Variants in SHANK2 observed in about 807,000 individuals in gnomAD.
SHANK2 encodes SH3 and multiple ankyrin repeat domains protein 2.
Under a neutral mutation model 133.7 loss-of-function variants are expected in SHANK2, and 43 were observed. That is an observed-to-expected ratio of 0.32 (90% CI 0.25 to 0.41). The LOEUF (loss-of-function observed/expected upper bound fraction) is 0.41. Ranked by LOEUF, SHANK2 falls within the 10% of genes least tolerant of loss-of-function variation. The pLI is 1.00. For missense variants in SHANK2, 1,994 were observed against 2,235.8 expected (o/e 0.89, Z 2.18); for synonymous variants, 1,017 against 952.8 (o/e 1.07, Z -1.24).
Position 70,791,891 on chromosome 11 carries a change from T to G in SHANK2, c.1777+6552A>C, listed in dbSNP as rs1051654678. ...AGGTGATGATTCCTGCCCTACTTAT[T>G]CCAGAAGGTTGGATGAGACAGCATG... On this transcript the variant is annotated intron_variant, in intron 14 of 25. Transcript: ENST00000601538. Among the ~76,000 whole-genome samples, 3 of 152,264 alleles carry G rather than the reference T, an allele frequency of 2.0e-5. No homozygotes were observed. In the South Asian group the frequency reaches 6.2e-4, roughly 32 times the overall value.
rs1481640919 is a variant in SHANK2, at chr11:71,187,540, C to T, written c.-13+37157G>A. Among the ~76,000 whole-genome samples the T allele has an allele frequency of 2.0e-5, 3 of 152,024 alleles. No homozygotes were observed. The South Asian group carries it at 6.2e-4, about 32-fold the overall frequency. ...TTTATTCAGGACAGTTCATGGGTTT[C>T]TCATGTTTTATTCAGCACAGTTCAT... On this transcript the variant is annotated intron_variant, in intron 2 of 25. Coordinates refer to ENST00000601538, the MANE Select transcript of SHANK2 (RefSeq NM_012309.5).
chr11:70,942,444 T>A (rs960389447), intron 10 of SHANK2: 14 of 420,598 alleles, frequency 3.3e-5, no homozygotes, highest in Admixed American at 3.1e-4. Context: ...GAAATCTCAC[T>A]CACTACTAGA....
At chr11:71,228,072 C>T (rs1742494930) in intron 1 of SHANK2, among the ~76,000 whole-genome samples, 1 of 151,868 alleles carries the variant, frequency 6.6e-6, no homozygotes, top group Admixed American at 6.6e-5. Flanking sequence ...AAATAGGAGA[C>T]ACCATTAAAG....
chr11:71,147,404 C>A, intron 2 of SHANK2, 66 bp from the exon 3 acceptor site: 1 of 1,343,528 alleles, frequency 7.4e-7, no homozygotes, highest in Non-Finnish European at 1.0e-6. Context: ...CCCAGGGGCA[C>A]GGTGGACACT....
intron 11 of SHANK2, among the ~76,000 whole-genome samples, chr11:70,849,748 A>G (rs1387299815): frequency 6.6e-6 from 1 of 152,226 alleles, no homozygotes; most frequent in Non-Finnish European, 1.5e-5. Context: ...ATCTGTTAAT[A>G]GCTGCCATTT....
intron 4 of SHANK2, among the ~76,000 whole-genome samples, 179 bp downstream of exon 4, chr11:71,118,650 G>A (rs1161575245): frequency 3.9e-5 from 6 of 151,938 alleles, no homozygotes; most frequent in African/African-American, 1.2e-4. Flanking sequence ...GTGAGATTTC[G>A]GTGGGGACAC....
At chr11:70,859,438 G>T (rs1166380930) in intron 11 of SHANK2, among the ~76,000 whole-genome samples, 3 of 152,014 alleles carry the variant, frequency 2.0e-5, no homozygotes, top group Non-Finnish European at 4.4e-5. Flanking sequence ...GGATAAGCGT[G>T]TGGGTGGATG....
Position 70,940,200 on chromosome 11 carries a change from TG to T in SHANK2, c.1108-43634del, listed in dbSNP as rs1555084124. On this transcript the variant is annotated intron_variant, in intron 10 of 25. Transcript: ENST00000601538. ...CTTCCTTCCTTACTTCCTTCCTTCC[TG>T]CCTTCCTCCTTCCCTTCCTCCCTCC... is the stretch of plus-strand genomic sequence containing the variant. 6.8e-3 allele frequency among the ~76,000 whole-genome samples: 966 copies of T among 141,240 alleles called. 9 individuals carry two copies. The highest frequency in any genetic ancestry group is 0.021 in the African/African-American group (721 of 34,842). The allele number at this position is 141,240 out of a possible 152,430, so 92.7% of individuals were successfully genotyped here.
chr11:71,217,469 A>T (rs1175566964), intron 2 of SHANK2, among the ~76,000 whole-genome samples: 1 of 151,874 alleles, frequency 6.6e-6, no homozygotes, highest in Non-Finnish European at 1.5e-5. Flanking sequence ...ATGCCACTGC[A>T]CTCCAGCCTG....
chr11:70,717,204 G>A (rs981325196), intron 14 of SHANK2, among the ~76,000 whole-genome samples: 2 of 152,168 alleles, frequency 1.3e-5, no homozygotes, highest in African/African-American at 2.4e-5. Flanking sequence ...ACAGTTTGTC[G>A]GGTTAGGAAA....
At chr11:70,829,900 C>A (rs1275526923) in intron 11 of SHANK2, among the ~76,000 whole-genome samples, 1 of 152,144 alleles carries the variant, frequency 6.6e-6, no homozygotes, top group Non-Finnish European at 1.5e-5. Context: ...GGGAGTTGGG[C>A]CATTCTTGAC....
At chr11:70,666,722 C>G (rs1405813768) in intron 15 of SHANK2, among the ~76,000 whole-genome samples, 2 of 152,182 alleles carry the variant, frequency 1.3e-5, no homozygotes, top group Non-Finnish European at 2.9e-5. Context: ...GTTGGGACAG[C>G]CTTCTCCAAG....
intron 17 of SHANK2, among the ~76,000 whole-genome samples, chr11:70,576,568 C>T (rs956805491): frequency 3.3e-5 from 5 of 152,050 alleles, no homozygotes; most frequent in Admixed American, 2.6e-4. Flanking sequence ...ACCCGGGAGG[C>T]GGAGCTTGCA....
intron 17 of SHANK2, chr11:70,603,929 A>C (rs2060537013): frequency 6.6e-6 from 1 of 152,656 alleles, no homozygotes; most frequent in Admixed American, 6.5e-5. Flanking sequence ...GAGCAGAACG[A>C]CCCGATAAAA....
At chr11:70,756,021 C>T (rs1013222308) in intron 14 of SHANK2, among the ~76,000 whole-genome samples, 4 of 152,290 alleles carry the variant, frequency 2.6e-5, no homozygotes, top group Admixed American at 2.0e-4. Flanking sequence ...CGTCCTGGGG[C>T]CAAAGGCCTC....
At chr11:70,829,509 A>AC (rs1190781822) in intron 11 of SHANK2, among the ~76,000 whole-genome samples, 1 of 151,088 alleles carries the variant, frequency 6.6e-6, no homozygotes, top group African/African-American at 2.4e-5. Context: ...TGCCCCGCCC[A>AC]CCCCCACCCC....
At chr11:71,153,137 C>G (rs1952829098) in intron 2 of SHANK2, among the ~76,000 whole-genome samples, 1 of 152,230 alleles carries the variant, frequency 6.6e-6, no homozygotes, top group South Asian at 2.1e-4. Flanking sequence ...AGGACCAGCA[C>G]GCCGGGAGGC....
intron 11 of SHANK2, among the ~76,000 whole-genome samples, chr11:70,884,598 T>C (rs1424074198): frequency 6.6e-6 from 1 of 152,206 alleles, no homozygotes; most frequent in African/African-American, 2.4e-5. Context: ...GAATGACCAT[T>C]GAAACTGCAC....
intron 1 of SHANK2, among the ~76,000 whole-genome samples, chr11:71,226,401 C>G (rs1954644956): frequency 1.3e-5 from 2 of 152,186 alleles, no homozygotes. Context: ...AAAAAGTACT[C>G]AAAATGTCCC....
Sources: allele counts gnomAD v4.1 joint callset (sites outside exome capture counted in the v4.1 genomes callset), GRCh38; gene constraint gnomAD v4.1.1; transcripts MANE v1.5; gene names NCBI Gene and HGNC (gene_info 2026-07-23, HGNC 2026-07-21).